FRMD4A: variants seen among roughly 807,000 people sequenced by gnomAD.
FRMD4A encodes the protein FERM domain-containing protein 4A.
FRMD4A carries 29 observed loss-of-function variants against 129.1 expected under a neutral mutation model. That is an observed-to-expected ratio of 0.22 (90% CI 0.17 to 0.31). The LOEUF (loss-of-function observed/expected upper bound fraction) is 0.31. FRMD4A is among the 10% of genes least tolerant of loss of function. The probability of loss-of-function intolerance (pLI) is 1.00; values close to 1 mark genes in which losing one functional copy is unlikely to be tolerated. For synonymous variants in FRMD4A, 634 were observed against 571.6 expected, an observed-to-expected ratio of 1.11 and a Z score of -1.56; for missense variants, 1,272 against 1,375.8, an observed-to-expected ratio of 0.92 and a Z score of 1.19.
Position 13,920,415 on chromosome 10 carries a change from C to T in FRMD4A, c.46-61503G>A, listed in dbSNP as rs547662305. Among the ~76,000 whole-genome samples the T allele has an allele frequency of 5.3e-5, 8 of 152,350 alleles. No homozygotes were observed. The East Asian group carries it at 1.5e-3, about 29-fold the overall frequency. On this transcript the variant is annotated intron_variant, in intron 2 of 24. Transcript: ENST00000357447. Reference sequence around the variant, plus strand: ...ACATCCTGCCTGTCTTCACCCAGTCCTACCTGGGTATTTTGAAAGTGTGTT... The same window carrying T: ...ACATCCTGCCTGTCTTCACCCAGTCTTACCTGGGTATTTTGAAAGTGTGTT...
chr10:13,656,466 T>C (rs2082155745), intron 22 of FRMD4A, among the ~76,000 whole-genome samples, 170 bp downstream of exon 22: 1 of 152,182 alleles, frequency 6.6e-6, no homozygotes, highest in Admixed American at 6.5e-5. Flanking sequence ...AACAAAGGCC[T>C]GGAAGACCTC....
intron 2 of FRMD4A, among the ~76,000 whole-genome samples, chr10:13,894,707 T>C (rs2094738529): frequency 6.6e-6 from 1 of 152,208 alleles, no homozygotes; most frequent in African/African-American, 2.4e-5. Flanking sequence ...GTCTTTCAGG[T>C]TCTTACTCAA....
At chr10:13,716,296 T>A (rs2088796738) in intron 12 of FRMD4A, among the ~76,000 whole-genome samples, 1 of 152,178 alleles carries the variant, frequency 6.6e-6, no homozygotes, top group Non-Finnish European at 1.5e-5. Flanking sequence ...CTCAAAACAT[T>A]CACCCTGCGA....
intron 2 of FRMD4A, among the ~76,000 whole-genome samples, chr10:14,170,463 C>T (rs1459387923): frequency 6.6e-6 from 1 of 151,990 alleles, no homozygotes; most frequent in Non-Finnish European, 1.5e-5. Context: ...AAATGTTCCT[C>T]GAAAAAAGTA....
chr10:13,732,623 A>G (rs1441962844), intron 12 of FRMD4A, among the ~76,000 whole-genome samples: 1 of 152,234 alleles, frequency 6.6e-6, no homozygotes, highest in East Asian at 1.9e-4. Flanking sequence ...CTGGAGATGC[A>G]GCTGTTACTG....
intron 6 of FRMD4A, among the ~76,000 whole-genome samples, chr10:13,764,213 GTGTGTGTA>G (rs2092191760): frequency 1.3e-5 from 2 of 151,648 alleles, no homozygotes; most frequent in African/African-American, 4.8e-5. Context: ...GTGTGTGTGT[GTGTGTGTA>G]TGGTAAAAAC....
At chr10:14,087,540 C>G (rs565343938) in intron 2 of FRMD4A, 1 of 151,994 alleles carries the variant, frequency 6.6e-6, no homozygotes, top group South Asian at 2.1e-4. Flanking sequence ...CATCTCAGAC[C>G]CACAGAGCCA....
intron 2 of FRMD4A, among the ~76,000 whole-genome samples, chr10:14,181,705 A>C (rs1298150656): frequency 6.6e-6 from 1 of 152,036 alleles, no homozygotes; most frequent in Non-Finnish European, 1.5e-5. Context: ...AATTTTTTTT[A>C]TTTGAGATAG....
intron 8 of FRMD4A, among the ~76,000 whole-genome samples, chr10:13,753,600 A>G (rs1029640495): frequency 7.3e-6 from 1 of 137,568 alleles, no homozygotes; most frequent in African/African-American, 2.8e-5. Flanking sequence ...GCTAGAGCGC[A>G]GTTTTGAGAT....
rs139990838 is a variant in FRMD4A, at chr10:13,742,054, G to A, written c.549-1477C>T. Among the ~76,000 whole-genome samples the A allele has an allele frequency of 1.3e-3, 193 of 152,158 alleles. 2 individuals are homozygous for A. Among genetic ancestry groups the A allele is most frequent in the African/African-American group, 4.6e-3 (190 of 41,494 alleles). On this transcript the variant is annotated intron_variant, in intron 9 of 24. Transcript: ENST00000357447. ...GTATTTTTAGTAGAGATGGGGTTTTGCATGTTGGCCAGGCTGGTCTCAAAC... is the reference window on the plus strand; with the variant it reads ...GTATTTTTAGTAGAGATGGGGTTTTACATGTTGGCCAGGCTGGTCTCAAAC...
At chr10:13,879,852 C>CTG (rs1455705946) in intron 2 of FRMD4A, among the ~76,000 whole-genome samples, 14 of 147,176 alleles carry the variant, frequency 9.5e-5, no homozygotes, top group African/African-American at 3.5e-4. Context: ...CACTATTTGA[C>CTG]CCAGGCTGCT....
At chr10:13,968,021 G>T (rs1362849836) in intron 2 of FRMD4A, among the ~76,000 whole-genome samples, 1 of 152,218 alleles carries the variant, frequency 6.6e-6, no homozygotes, top group Non-Finnish European at 1.5e-5. Flanking sequence ...CTTCAGCGGG[G>T]GCGCTTAAGA....
intron 2 of FRMD4A, among the ~76,000 whole-genome samples, chr10:14,203,309 C>A (rs1175400444): frequency 6.6e-6 from 1 of 152,196 alleles, no homozygotes; most frequent in Non-Finnish European, 1.5e-5. Context: ...TCCCCATTTT[C>A]CATCTCAACA....
At chr10:14,177,473 C>T (rs568184997) in intron 2 of FRMD4A, among the ~76,000 whole-genome samples, 1 of 152,044 alleles carries the variant, frequency 6.6e-6, no homozygotes, top group African/African-American at 2.4e-5. Context: ...GTGCCTGGCC[C>T]CAATCATGTC....
chr10:13,941,944 G>A (rs1016389763), intron 2 of FRMD4A, among the ~76,000 whole-genome samples: 3 of 152,156 alleles, frequency 2.0e-5, no homozygotes, highest in Non-Finnish European at 4.4e-5. Context: ...ACTGCCCTGA[G>A]TCTGGGAGGT....
At chr10:13,855,476 G>C (rs375182362) in intron 3 of FRMD4A, among the ~76,000 whole-genome samples, 7 of 151,986 alleles carry the variant, frequency 4.6e-5, no homozygotes, top group Admixed American at 4.6e-4. Flanking sequence ...TACTTCTCTG[G>C]GGGAGAGAAA....
intron 2 of FRMD4A, among the ~76,000 whole-genome samples, chr10:14,138,894 T>A (rs1237366647): frequency 6.6e-6 from 1 of 152,200 alleles, no homozygotes; most frequent in East Asian, 1.9e-4. Context: ...TTTCTACTGT[T>A]TGTAGATAGC....
Position 13,692,140 on chromosome 10 carries a change from C to CTTTTTTTTTTTTTTTTTTTTTTTTTT in FRMD4A, c.1117+1732_1117+1757dup, listed in dbSNP as rs747299123. On this transcript the variant is annotated intron_variant, in intron 15 of 24. Transcript: ENST00000357447. ...CTTGAAGCTTATAAAATTTTAGCAGCTTTTTTTTTTTTTTTTTTTTTTTTT... is the reference window on the plus strand; with the variant it reads ...CTTGAAGCTTATAAAATTTTAGCAGCTTTTTTTTTTTTTTTTTTTTTTTTTTTTTTTTTTTTTTTTTTTTTTTTTTT... 3.4e-4 allele frequency: 34 copies of CTTTTTTTTTTTTTTTTTTTTTTTTTT among 100,470 alleles called. 17 individuals carry two copies. The highest frequency in any genetic ancestry group is 5.7e-4 in the African/African-American group (14 of 24,412). The allele number at this position is 100,470 out of a possible 1,614,324, so 6.2% of individuals were successfully genotyped here.
intron 2 of FRMD4A, among the ~76,000 whole-genome samples, chr10:14,220,728 T>C (rs1186688616): frequency 6.6e-6 from 1 of 152,062 alleles, no homozygotes; most frequent in Non-Finnish European, 1.5e-5. Flanking sequence ...GGTGCCTCCA[T>C]GGAGGCTTGG....
Sources: allele counts gnomAD v4.1 joint callset (sites outside exome capture counted in the v4.1 genomes callset), GRCh38; gene constraint gnomAD v4.1.1; transcripts MANE v1.5; gene names NCBI Gene and HGNC (gene_info 2026-07-23, HGNC 2026-07-21).